UBE3C: variants seen among roughly 807,000 people sequenced by gnomAD.
The protein encoded by UBE3C is ubiquitin protein ligase E3C, also known as ubiquitin-protein ligase E3C.
In UBE3C, 42 loss-of-function variants were observed where a neutral mutation model predicts 129.4. The ratio of observed to expected loss-of-function variants is 0.32; its 90% CI spans 0.25 to 0.42. The LOEUF is 0.42. Ranked by LOEUF, UBE3C falls within the 10% of genes least tolerant of loss-of-function variation. The pLI is 1.00. For missense variants in UBE3C, 1,049 were observed against 1,319.1 expected, an observed-to-expected ratio of 0.80 and a Z score of 3.17; for synonymous variants, 510 against 492.4, an observed-to-expected ratio of 1.04 and a Z score of -0.47.
chr7:157,169,812 C>T (rs901985588), intron 3 of UBE3C, among the ~76,000 whole-genome samples: 25 of 152,200 alleles, frequency 1.6e-4, no homozygotes, highest in African/African-American at 6.0e-4. Flanking sequence ...TCCTGAGTAG[C>T]TGGGACTACA....
At position 157,168,334 on chromosome 7, in the gene UBE3C, C is replaced by CAAA. The variant is rs34110466; in HGVS notation, c.121-699_121-697dup. Among the ~76,000 whole-genome samples the CAAA allele has an allele frequency of 3.3e-3, 366 of 110,030 alleles. 4 individuals carry two copies. The highest frequency in any genetic ancestry group is 0.011 in the African/African-American group (340 of 32,134). The allele number at this position is 110,030 out of a possible 152,430, so 72.2% of individuals were successfully genotyped here. ...TGGGCGACAGAGCAAGACTCTGTCTCAAAAAAAAAAAAAAAAAGGTCCTAC... is the reference window on the plus strand; with the variant it reads ...TGGGCGACAGAGCAAGACTCTGTCTCAAAAAAAAAAAAAAAAAAAAGGTCCTAC... On this transcript the variant is annotated intron_variant, in intron 2 of 22. Transcript: ENST00000348165.
intron 1 of UBE3C, among the ~76,000 whole-genome samples, chr7:157,156,777 C>T (rs988260559): frequency 6.6e-6 from 1 of 151,680 alleles, no homozygotes; most frequent in Non-Finnish European, 1.5e-5. Context: ...CTCCTGTCCC[C>T]CTTAATAATA....
chr7:157,230,240 C>A (rs1316776369), intron 17 of UBE3C, among the ~76,000 whole-genome samples: 1 of 151,730 alleles, frequency 6.6e-6, no homozygotes, highest in Non-Finnish European at 1.5e-5. Flanking sequence ...AATTATATAA[C>A]CAGTAATTTT....
chr7:157,262,964 T>C (rs1796959253), intron 22 of UBE3C: 1 of 152,202 alleles, frequency 6.6e-6, no homozygotes, highest in Non-Finnish European at 1.5e-5. Context: ...ATTTTTTAAA[T>C]TTTTTTGAAC....
intron 10 of UBE3C, among the ~76,000 whole-genome samples, chr7:157,189,948 C>G (rs1808910991): frequency 6.6e-6 from 1 of 152,030 alleles, no homozygotes; most frequent in South Asian, 2.1e-4. Flanking sequence ...TTACGGGCAC[C>G]CATCACCATG....
At chr7:157,266,207 G>A (rs1030202932) in intron 22 of UBE3C, among the ~76,000 whole-genome samples, 3 of 152,156 alleles carry the variant, frequency 2.0e-5, no homozygotes, top group Non-Finnish European at 4.4e-5. Context: ...CAAGCTATGC[G>A]GGAGGCTGAG....
intron 13 of UBE3C, among the ~76,000 whole-genome samples, chr7:157,212,109 A>G (rs1809611965): frequency 6.6e-6 from 1 of 152,158 alleles, no homozygotes; most frequent in Non-Finnish European, 1.5e-5. Flanking sequence ...CATTTATTGC[A>G]CTTCAGAACC....
At chr7:157,143,897 T>C (rs1016590248) in intron 1 of UBE3C, among the ~76,000 whole-genome samples, 1 of 152,120 alleles carries the variant, frequency 6.6e-6, no homozygotes, top group African/African-American at 2.4e-5. Context: ...ACATTTAATA[T>C]GTGTGGGAGT....
intron 11 of UBE3C, among the ~76,000 whole-genome samples, chr7:157,204,036 G>T (rs1809361202): frequency 6.6e-6 from 1 of 152,094 alleles, no homozygotes; most frequent in East Asian, 1.9e-4. Context: ...ATTGAATATT[G>T]TACTGAAAGC....
Position 157,156,890 on chromosome 7 carries a change from A to C in UBE3C, c.67-6920A>C, listed in dbSNP as rs112604958. Among the ~76,000 whole-genome samples the C allele has an allele frequency of 5.1e-3, 775 of 152,232 alleles. 6 individuals carry two copies. The highest frequency in any genetic ancestry group is 8.8e-3 in the African/African-American group (367 of 41,504). ...ATGCCCTATAATTTTCAGCAGCCAA[A>C]AAAATAAAGCTGACTCCAGTGAGTT... On this transcript the variant is annotated intron_variant, in intron 1 of 22. Transcript: ENST00000348165.
At chr7:157,173,256 A>C (rs147409767) in intron 4 of UBE3C, among the ~76,000 whole-genome samples, 2 of 152,342 alleles carry the variant, frequency 1.3e-5, no homozygotes, top group African/African-American at 4.8e-5. Context: ...TTGCTGCTGT[A>C]GTCCAGCTAC....
At chr7:157,154,185 G>A (rs1244304496) in intron 1 of UBE3C, among the ~76,000 whole-genome samples, 1 of 152,012 alleles carries the variant, frequency 6.6e-6, no homozygotes, top group Non-Finnish European at 1.5e-5. Context: ...GCCAGGTGTG[G>A]TGGCAGGCGG....
chr7:157,181,711 A>G (rs1445910031), intron 7 of UBE3C, 40 bp downstream of exon 7: 2 of 1,604,770 alleles, frequency 1.2e-6, no homozygotes, highest in Non-Finnish European at 1.7e-6. Context: ...TCCTTTCACA[A>G]GATCTATATC....
At chr7:157,217,684 A>T (rs1193896714) in intron 14 of UBE3C, among the ~76,000 whole-genome samples, 6 of 152,070 alleles carry the variant, frequency 3.9e-5, no homozygotes, top group Admixed American at 2.0e-4. Context: ...TGAAAATACA[A>T]AAATCAGCCG....
intron 1 of UBE3C, among the ~76,000 whole-genome samples, chr7:157,157,975 T>G (rs200885655): frequency 3.5e-5 from 2 of 56,778 alleles, no homozygotes; most frequent in African/African-American, 3.2e-4. Flanking sequence ...TATATATAGA[T>G]ATATATATAT....
intron 22 of UBE3C, among the ~76,000 whole-genome samples, chr7:157,261,455 T>C (rs1584831071): frequency 1.3e-5 from 2 of 148,182 alleles, no homozygotes; most frequent in East Asian, 3.9e-4. Flanking sequence ...CTGTTTTTTT[T>C]ATTTTTCTCA....
intron 10 of UBE3C, chr7:157,198,473 C>T (rs962830372): frequency 4.4e-6 from 2 of 456,922 alleles, no homozygotes; most frequent in Non-Finnish European, 8.0e-6. Flanking sequence ...AAGATCTCCT[C>T]TCCTGCTCAC....
intron 13 of UBE3C, among the ~76,000 whole-genome samples, chr7:157,208,714 C>G (rs966484319): frequency 6.6e-6 from 1 of 152,014 alleles, no homozygotes; most frequent in African/African-American, 2.4e-5. Flanking sequence ...TCGTTCTTAA[C>G]CAGAAAGTGA....
chr7:157,208,136 A>G (rs1586689353), intron 13 of UBE3C, among the ~76,000 whole-genome samples: 1 of 134,326 alleles, frequency 7.4e-6, no homozygotes, highest in East Asian at 2.3e-4. Flanking sequence ...GTGCAATGAC[A>G]CCATCATACT....
Sources: allele counts gnomAD v4.1 joint callset (sites outside exome capture counted in the v4.1 genomes callset), GRCh38; gene constraint gnomAD v4.1.1; transcripts MANE v1.5; gene names NCBI Gene and HGNC (gene_info 2026-07-23, HGNC 2026-07-21).